Variants in HEPH observed in about 807,000 individuals in gnomAD.
HEPH encodes hephaestin.
HEPH carries 69 observed loss-of-function variants against 80.8 expected under a neutral mutation model. That is an observed-to-expected ratio of 0.85 (90% confidence interval 0.70 to 1.04). HEPH has a LOEUF of 1.04. HEPH is among the 50% of genes least tolerant of loss of function. The pLI is 0.00. For synonymous variants in HEPH, 431 were observed against 322.8 expected (o/e 1.34, Z -3.60); for missense variants, 1,115 against 891.3 (o/e 1.25, Z -3.20).
upstream of HEPH, among the ~76,000 whole-genome samples, chrX:66,163,930 C>G (rs751454845): frequency 8.9e-6 from 1 of 112,275 alleles, no homozygotes; most frequent in East Asian, 2.8e-4. Context: ...ACTAAGCAGC[C>G]ATGACCTCAG....
chrX:66,204,570 G>A (rs1199209668), intron 13 of HEPH, among the ~76,000 whole-genome samples: 2 of 112,320 alleles, frequency 1.8e-5, no homozygotes, highest in Admixed American at 9.4e-5. Flanking sequence ...GTAAACAGAA[G>A]CAGATAACTG....
At position 66,207,253 on chromosome X, in the gene HEPH, G is replaced by T. The variant is rs1340713156; in HGVS notation, c.2350G>T (p.Ala784Ser). Residue 784 changes from alanine (A) to serine (S), a missense_variant, in exon 14 of 21, where the codon GCT (alanine) becomes TCT (serine). Transcript: ENST00000343002. ...GCTCCTGGGTTCCAGATACAAGAAAGCTGTATTCAGGGAATACACTGATGG... is the reference window on the plus strand; with the variant it reads ...GCTCCTGGGTTCCAGATACAAGAAATCTGTATTCAGGGAATACACTGATGG... ...DGLLGSRYKKAVFREYTDGTF... is the reference protein window; with the variant it reads ...DGLLGSRYKKSVFREYTDGTF... 2.5e-6 allele frequency: 3 copies of T among 1,202,668 alleles called. No homozygotes were observed. The highest frequency in any genetic ancestry group is 3.4e-6 in the Non-Finnish European group (3 of 888,921).
At chrX:66,228,890 C>T (rs190361819) in intron 15 of HEPH, among the ~76,000 whole-genome samples, 86 of 111,698 alleles carry the variant, frequency 7.7e-4, no homozygotes, top group Middle Eastern at 4.6e-3. Flanking sequence ...TGGATGTTGG[C>T]ATGGATATGG....
At chrX:66,212,542 A>G (rs1365710879) in intron 15 of HEPH, among the ~76,000 whole-genome samples, 2 of 111,802 alleles carry the variant, frequency 1.8e-5, no homozygotes, top group Non-Finnish European at 3.8e-5. Context: ...GTGGCTGTGC[A>G]GTTTTCTCAG....
At position 66,234,203 on chromosome X, in the gene HEPH, C is replaced by T. The variant is rs558518640; in HGVS notation, c.2564-20832C>T. Reference sequence around the variant, plus strand: ...TGCATTAGTTTGCTAAGGATAATGGCCTCCAGCTCCATCTATGTTTCTGCC... The same window carrying T: ...TGCATTAGTTTGCTAAGGATAATGGTCTCCAGCTCCATCTATGTTTCTGCC... On this transcript the variant is annotated intron_variant, in intron 15 of 20. Transcript: ENST00000343002. 7.7e-4 allele frequency among the ~76,000 whole-genome samples: 86 copies of T among 111,117 alleles called. 1 individual carries two copies. In the South Asian group the frequency reaches 0.033, roughly 42 times the overall value.
At chrX:66,203,677 T>A in intron 13 of HEPH, 100 bp downstream of exon 13, 1 of 695,359 alleles carries the variant, frequency 1.4e-6, no homozygotes, top group Non-Finnish European at 2.1e-6. Context: ...TCAGGTCTCC[T>A]AATGTGATAC....
chrX:66,239,493 G>A (rs779796707), intron 15 of HEPH, among the ~76,000 whole-genome samples: 3 of 112,077 alleles, frequency 2.7e-5, no homozygotes, highest in Non-Finnish European at 5.6e-5. Flanking sequence ...AAATGGTTAA[G>A]ATTTCTTGTT....
At chrX:66,177,148 G>T (rs1416477205) in intron 4 of HEPH, among the ~76,000 whole-genome samples, 1 of 111,718 alleles carries the variant, frequency 9.0e-6, no homozygotes, top group Non-Finnish European at 1.9e-5. Flanking sequence ...CCATCAAAAA[G>T]TGGGCGAAGG....
At chrX:66,243,764 G>C (rs2090699336) in intron 15 of HEPH, among the ~76,000 whole-genome samples, 1 of 112,444 alleles carries the variant, frequency 8.9e-6, no homozygotes, top group South Asian at 3.7e-4. Flanking sequence ...AGTGTCAATG[G>C]TCTACGTATT....
intron 4 of HEPH, among the ~76,000 whole-genome samples, chrX:66,178,324 T>A (rs2086914696): frequency 8.9e-6 from 1 of 112,736 alleles, no homozygotes; most frequent in Non-Finnish European, 1.9e-5. Context: ...TGTGCCACAT[T>A]TTCTTAATCC....
At chrX:66,259,045 A>T (rs1399366768) in intron 18 of HEPH, 66 bp downstream of exon 18, 1 of 1,087,431 alleles carries the variant, frequency 9.2e-7, no homozygotes, top group African/African-American at 2.0e-5. Flanking sequence ...GCAATTGAGA[A>T]AAAAGGTAAC....
rs757763937 is a variant in HEPH at position 66,193,675 on chromosome X, A to T, written c.1369+37A>T. On this transcript the variant is annotated intron_variant, in intron 8 of 20. Transcript: ENST00000343002. ...TTAAATTATGAAATTCATTTACTAG[A>T]GCCAGAGAATTGAGGAAGACTTTGA... 3 of 1,113,182 alleles carry T rather than the reference A, an allele frequency of 2.7e-6. No individual in the cohort carries two copies. In the South Asian group the frequency reaches 6.3e-5, roughly 23 times the overall value. 91.7% of individuals were successfully genotyped at this position (1,113,182 alleles called of 1,213,427 possible).
At chrX:66,217,187 G>C (rs958624611) in intron 15 of HEPH, among the ~76,000 whole-genome samples, 7 of 111,090 alleles carry the variant, frequency 6.3e-5, no homozygotes, top group South Asian at 3.8e-4. Context: ...AAGAACACTT[G>C]GGAAATTCCT....
At chrX:66,261,373 C>CA (rs994205069) in intron 19 of HEPH, among the ~76,000 whole-genome samples, 11 of 111,067 alleles carry the variant, frequency 9.9e-5, no homozygotes, top group Non-Finnish European at 2.1e-4. Flanking sequence ...TGTTCCTCAC[C>CA]AAAAAATGTA....
chrX:66,201,864 T>C (rs759065434), intron 12 of HEPH, among the ~76,000 whole-genome samples: 6 of 111,879 alleles, frequency 5.4e-5, no homozygotes, highest in Non-Finnish European at 1.1e-4. Context: ...GAAAAAATAA[T>C]TTTGAAGGAA....
chrX:66,255,966 G>T lies in HEPH; in HGVS notation c.2671-139G>T, dbSNP rs1361911862. On this transcript the variant is annotated intron_variant, in intron 16 of 20. Coordinates refer to ENST00000343002, the MANE Select transcript of HEPH (RefSeq NM_001367233.3). The stretch of plus-strand genomic sequence containing the variant: ...GAATGAATTCAAATAACATAGTGGG[G>T]TACTTATAAATGTAAGATATCATGA... 5 of 448,784 alleles carry T rather than the reference G, an allele frequency of 1.1e-5. No homozygotes were observed. The South Asian group carries it at 1.4e-4, about 13-fold the overall frequency. The allele number at this position is 448,784 out of a possible 1,213,427, so 37.0% of individuals were successfully genotyped here.
intron 15 of HEPH, among the ~76,000 whole-genome samples, chrX:66,244,089 C>A (rs1474672029): frequency 9.0e-6 from 1 of 111,663 alleles, no homozygotes; most frequent in Non-Finnish European, 1.9e-5. Context: ...CCCCTTTCCT[C>A]TATCTGCCTT....
rs569117657 is a variant in HEPH, at chrX:66,233,788, C to A, written c.2564-21247C>A. ...ATAACATGGAAATCAAGGCATCCAT[C>A]AAATTTATGTACTGAACCAAAGTCT... is the stretch of plus-strand genomic sequence containing the variant. On this transcript the variant is annotated intron_variant, in intron 15 of 20. Coordinates refer to ENST00000343002, the MANE Select transcript of HEPH (RefSeq NM_001367233.3). 3.7e-4 allele frequency among the ~76,000 whole-genome samples: 41 copies of A among 110,855 alleles called. No homozygotes were observed. In the East Asian group the frequency reaches 0.011, roughly 29 times the overall value.
Position 66,188,357 on chromosome X carries a change from A to G in HEPH, c.626-2A>G. The G allele has an allele frequency of 8.5e-7, 1 of 1,178,879 alleles. No homozygotes were observed. The highest frequency in any genetic ancestry group is 1.1e-6 in the Non-Finnish European group (1 of 877,947). ...CAAGGGAAACTGTCTTACTTGCCCT[A>G]GGAGCCCTGGATGGGAACTCCCCTC... On this transcript the variant is annotated splice_acceptor_variant, in intron 4 of 20. Transcript: ENST00000343002. LOFTEE classifies it high-confidence loss of function.
Sources: gnomAD v4.1 joint callset for allele counts (sites outside exome capture counted in the v4.1 genomes callset) on GRCh38, gnomAD v4.1.1 for gene constraint, MANE v1.5 for transcripts, NCBI Gene and HGNC (gene_info 2026-07-23, HGNC 2026-07-21) for gene names.